The following SPATA16 variants were observed in gnomAD, a reference collection of about 807,000 sequenced individuals.
The protein encoded by SPATA16 is spermatogenesis-associated protein 16.
Under a neutral mutation model 63.3 loss-of-function variants are expected in SPATA16, and 36 were observed. That is an observed-to-expected ratio of 0.57 (90% CI 0.44 to 0.75). SPATA16 has a LOEUF of 0.75. SPATA16 is among the 30% of genes least tolerant of loss of function. SPATA16 has a pLI of 0.00. For missense variants in SPATA16, 646 were observed against 679.3 expected (o/e 0.95, Z 0.54); for synonymous variants, 203 against 216.7 (o/e 0.94, Z 0.56).
intron 2 of SPATA16, among the ~76,000 whole-genome samples, chr3:173,092,365 A>G (rs751893677): frequency 6.6e-5 from 10 of 152,196 alleles, no homozygotes; most frequent in Non-Finnish European, 1.3e-4. Context: ...TGTCTCCTCA[A>G]AGATGTCTAT....
intron 10 of SPATA16, among the ~76,000 whole-genome samples, chr3:172,903,061 T>C (rs1161185785): frequency 6.6e-6 from 1 of 152,208 alleles, no homozygotes; most frequent in Non-Finnish European, 1.5e-5. Flanking sequence ...AGATGTCCTA[T>C]GGTTCATTTA....
intron 3 of SPATA16, among the ~76,000 whole-genome samples, chr3:173,020,717 T>G (rs767218693): frequency 1.2e-4 from 19 of 152,224 alleles, no homozygotes; most frequent in Non-Finnish European, 2.5e-4. Context: ...ACTAGCTGGA[T>G]GCAGTCCATG....
intron 2 of SPATA16, among the ~76,000 whole-genome samples, chr3:173,111,503 A>G (rs141117398): frequency 2.4e-3 from 364 of 152,358 alleles, no homozygotes; most frequent in Non-Finnish European, 4.4e-3. Flanking sequence ...ACAGATTGCA[A>G]TGAGACAGCT....
chr3:173,016,563 A>G (rs543884027), intron 4 of SPATA16, among the ~76,000 whole-genome samples: 59 of 152,212 alleles, frequency 3.9e-4, no homozygotes, highest in African/African-American at 1.4e-3. Context: ...CATTTTTTTC[A>G]TATGTGGTAG....
At chr3:172,936,089 T>C (rs1033894496) in intron 6 of SPATA16, among the ~76,000 whole-genome samples, 4 of 152,168 alleles carry the variant, frequency 2.6e-5, no homozygotes, top group African/African-American at 9.7e-5. Context: ...ATTTGGTCTT[T>C]CTTCCTAGTT....
At chr3:172,939,139 T>G (rs1277775750) in intron 6 of SPATA16, among the ~76,000 whole-genome samples, 1 of 152,180 alleles carries the variant, frequency 6.6e-6, no homozygotes, top group African/African-American at 2.4e-5. Context: ...ATGATTTTGC[T>G]TATAACTTCT....
chr3:172,940,581 A>T (rs1288051098), intron 6 of SPATA16, among the ~76,000 whole-genome samples: 1 of 152,252 alleles, frequency 6.6e-6, no homozygotes, highest in Non-Finnish European at 1.5e-5. Context: ...TGCCTTGAAA[A>T]AGATTTTAAA....
At chr3:173,126,461 A>G (rs971421791) in intron 1 of SPATA16, among the ~76,000 whole-genome samples, 2 of 152,220 alleles carry the variant, frequency 1.3e-5, no homozygotes, top group Non-Finnish European at 2.9e-5. Flanking sequence ...CAAAGTTTGA[A>G]TCTCGTTCTC....
intron 2 of SPATA16, among the ~76,000 whole-genome samples, chr3:173,054,135 C>T (rs1159497647): frequency 6.6e-6 from 1 of 151,816 alleles, no homozygotes; most frequent in African/African-American, 2.4e-5. Flanking sequence ...CAATATTCCC[C>T]TCTCAGCAAA....
intron 3 of SPATA16, among the ~76,000 whole-genome samples, chr3:173,028,586 TA>T (rs1266450791): frequency 1.3e-5 from 2 of 151,734 alleles, no homozygotes; most frequent in African/African-American, 4.9e-5. Context: ...ATGGACTGTT[TA>T]AAAATAAAAA....
intron 2 of SPATA16, among the ~76,000 whole-genome samples, chr3:173,100,982 T>G (rs1260401803): frequency 6.6e-6 from 1 of 152,182 alleles, no homozygotes; most frequent in Admixed American, 6.6e-5. Flanking sequence ...TTTACATAAT[T>G]CTAATAAACC....
At chr3:172,991,359 C>T (rs1734573908) in intron 4 of SPATA16, among the ~76,000 whole-genome samples, 1 of 152,072 alleles carries the variant, frequency 6.6e-6, no homozygotes, top group Non-Finnish European at 1.5e-5. Flanking sequence ...TCTTCTTTTC[C>T]TATTCCTTCT....
intron 8 of SPATA16, among the ~76,000 whole-genome samples, chr3:172,921,104 G>C (rs538524797): frequency 7.0e-6 from 1 of 143,318 alleles, no homozygotes; most frequent in Non-Finnish European, 1.5e-5. Flanking sequence ...GTCTCACTAC[G>C]TTGTCCAGGC....
At chr3:173,036,766 G>A (rs1220872531) in intron 3 of SPATA16, among the ~76,000 whole-genome samples, 1 of 151,960 alleles carries the variant, frequency 6.6e-6, no homozygotes, top group African/African-American at 2.4e-5. Flanking sequence ...TACATTGAAT[G>A]CAGGATCAGA....
chr3:173,085,349 T>C lies in SPATA16; in HGVS notation c.612+31771A>G, dbSNP rs142206835. 1.7e-4 allele frequency among the ~76,000 whole-genome samples: 26 copies of C among 152,298 alleles called. No individual in the cohort carries two copies. In the East Asian group the frequency reaches 4.0e-3, roughly 24 times the overall value. ...GGTGTATAGGAATGCTTGTGATTTT[T>C]GCACATTGATTTTGTATCCTGAGAC... On this transcript the variant is annotated intron_variant, in intron 2 of 10. Transcript: ENST00000351008.
chr3:173,025,082 T>C lies in SPATA16; in HGVS notation c.759-5507A>G, dbSNP rs114904567. ...TTTCTTATAACTTTTACTGTTAATT[T>C]CCCATTTTATTACAATGTAAATAGA... is the stretch of plus-strand genomic sequence containing the variant. On this transcript the variant is annotated intron_variant, in intron 3 of 10. Coordinates refer to ENST00000351008, the MANE Select transcript of SPATA16 (RefSeq NM_031955.6). Among the ~76,000 whole-genome samples the C allele has an allele frequency of 7.2e-3, 1,093 of 151,158 alleles. 23 individuals are homozygous for C. The highest frequency in any genetic ancestry group is 0.025 in the African/African-American group (1,050 of 41,526).
chr3:173,000,247 A>G (rs1296172692), intron 4 of SPATA16, among the ~76,000 whole-genome samples: 1 of 152,222 alleles, frequency 6.6e-6, no homozygotes, highest in Non-Finnish European at 1.5e-5. Context: ...ATTTGCCAGC[A>G]CCTTAATCTT....
intron 2 of SPATA16, among the ~76,000 whole-genome samples, chr3:173,050,271 A>G (rs1320344843): frequency 6.6e-6 from 1 of 152,210 alleles, no homozygotes; most frequent in Non-Finnish European, 1.5e-5. Flanking sequence ...AGGCTAAAAA[A>G]TAAATCTAGA....
At chr3:172,924,441 C>T in intron 7 of SPATA16, 124 bp from the exon 8 acceptor site, 2 of 724,780 alleles carry the variant, frequency 2.8e-6, no homozygotes, top group South Asian at 3.2e-5. Context: ...AGTATAGAAA[C>T]TAGTCCCATC....
Sources: gnomAD v4.1 joint callset for allele counts (sites outside exome capture counted in the v4.1 genomes callset) on GRCh38, gnomAD v4.1.1 for gene constraint, MANE v1.5 for transcripts, NCBI Gene and HGNC (gene_info 2026-07-23, HGNC 2026-07-21) for gene names.